The following TSPAN9 variants were observed in gnomAD, a reference collection of about 807,000 sequenced individuals.
TSPAN9 encodes tetraspanin 9, also known as tetraspanin-9.
TSPAN9 carries 16 observed loss-of-function variants against 31.0 expected under a neutral mutation model. The observed-to-expected ratio is 0.52, with a 90% confidence interval of 0.35 to 0.78. The LOEUF (loss-of-function observed/expected upper bound fraction) is 0.78, where lower values mean the gene tolerates loss of function less well. TSPAN9 is among the 30% of genes least tolerant of loss of function. The pLI, the probability that TSPAN9 is intolerant of heterozygous loss-of-function variation, is 0.01. For missense variants in TSPAN9, 272 were observed against 312.5 expected, an observed-to-expected ratio of 0.87 and a Z score of 0.98; for synonymous variants, 145 against 121.6, an observed-to-expected ratio of 1.19 and a Z score of -1.27.
intron 2 of TSPAN9, among the ~76,000 whole-genome samples, chr12:3,085,631 C>G (rs6489435): frequency 0.64 from 96,519 of 151,834 alleles, 31,064 homozygotes; most frequent in African/African-American, 0.72. Context: ...AACTGCTGTG[C>G]GAACTTGGGC....
At chr12:3,200,681 C>G (rs954025115) in intron 2 of TSPAN9, 1 of 152,358 alleles carries the variant, frequency 6.6e-6, no homozygotes, top group Non-Finnish European at 1.5e-5. Context: ...TTCGCGAGCG[C>G]GCAGAGAGCC....
intron 2 of TSPAN9, among the ~76,000 whole-genome samples, chr12:3,179,946 T>G (rs1210311544): frequency 6.6e-6 from 1 of 152,176 alleles, no homozygotes; most frequent in Non-Finnish European, 1.5e-5. Context: ...CCAGTGTATT[T>G]CCTGCAGCTG....
intron 2 of TSPAN9, among the ~76,000 whole-genome samples, chr12:3,169,948 C>T (rs1340289445): frequency 3.8e-5 from 5 of 132,030 alleles, no homozygotes; most frequent in African/African-American, 1.4e-4. Flanking sequence ...CTTCTCTCCT[C>T]ATTTTTGCTA....
At chr12:3,182,368 G>GGGCCCACAGCC (rs1488261661) in intron 2 of TSPAN9, among the ~76,000 whole-genome samples, 1 of 151,974 alleles carries the variant, frequency 6.6e-6, no homozygotes, top group Non-Finnish European at 1.5e-5. Flanking sequence ...AGGCTGCCTG[G>GGGCCCACAGCC]GGCCCACAGC....
chr12:3,156,767 C>T (rs546862888), intron 2 of TSPAN9, among the ~76,000 whole-genome samples: 19 of 152,276 alleles, frequency 1.2e-4, no homozygotes, highest in African/African-American at 4.6e-4. Flanking sequence ...CTCAGCCTCC[C>T]AAAGTGCTGG....
intron 3 of TSPAN9, among the ~76,000 whole-genome samples, chr12:3,261,084 G>A (rs891184442): frequency 6.6e-6 from 1 of 152,124 alleles, no homozygotes; most frequent in Non-Finnish European, 1.5e-5. Context: ...CCTGTGTTCT[G>A]GCCAAAGGGA....
At chr12:3,220,145 C>CAAAAAAAAAAAAAAAAAAAAAAAAAA (rs55735802) in intron 3 of TSPAN9, among the ~76,000 whole-genome samples, 21 of 137,368 alleles carry the variant, frequency 1.5e-4, no homozygotes, top group Middle Eastern at 3.8e-3. Context: ...AACTCTGTCT[C>CAAAAAAAAAAAAAAAAAAAAAAAAAA]AAAAAAAAAA....
chr12:3,199,311 C>G (rs892835470), intron 2 of TSPAN9, among the ~76,000 whole-genome samples: 4 of 152,202 alleles, frequency 2.6e-5, no homozygotes, highest in Non-Finnish European at 5.9e-5. Context: ...CGGGTGCTCT[C>G]AGTACTCTCT....
chr12:3,220,249 G>T (rs1166463411), intron 3 of TSPAN9, among the ~76,000 whole-genome samples: 1 of 152,108 alleles, frequency 6.6e-6, no homozygotes, highest in Non-Finnish European at 1.5e-5. Context: ...GTGCTGTGCC[G>T]TGGCCCAGGC....
chr12:3,209,924 A>C (rs111373749), intron 3 of TSPAN9, among the ~76,000 whole-genome samples: 3,392 of 130,166 alleles, frequency 0.026, 159 homozygotes, highest in African/African-American at 0.093. Context: ...GTGCCACTGC[A>C]CTCCAGCCTG....
rs1166121446 is a variant in TSPAN9 at position 3,192,819 on chromosome 12, C to T, written c.-17-8358C>T. Among the ~76,000 whole-genome samples, 1 of 152,162 alleles carries T rather than the reference C, an allele frequency of 6.6e-6. No individual in the cohort carries two copies. Among genetic ancestry groups the T allele is most frequent in the Non-Finnish European group, 1.5e-5 (1 of 68,028 alleles). ...TGAGGAGGAGGAGGAGGGCAGCCAG[C>T]ATTTCCCTTAGAATTTCAGCCACAC... On this transcript the variant is annotated intron_variant, in intron 2 of 8. Coordinates refer to ENST00000011898, the MANE Select transcript of TSPAN9 (RefSeq NM_006675.5). This position sits in a 1 kb window ranked among gnomAD's most constrained non-coding sequence, Gnocchi z 4.6.
chr12:3,211,753 C>T lies in TSPAN9; in HGVS notation c.63+10497C>T, dbSNP rs2098378840. On this transcript the variant is annotated intron_variant, in intron 3 of 8. Coordinates refer to ENST00000011898, the MANE Select transcript of TSPAN9 (RefSeq NM_006675.5). ...AGAGGACAGTGGAGCAGCCAACACA[C>T]AAAACTACTGTTTGTGCATGGCTAA... 7 of 1,597,744 alleles carry T rather than the reference C, an allele frequency of 4.4e-6. 1 individual carries two copies. In the East Asian group the frequency reaches 1.3e-4, roughly 31 times the overall value.
intron 2 of TSPAN9, among the ~76,000 whole-genome samples, chr12:3,091,610 A>C (rs897011433): frequency 1.3e-5 from 2 of 152,246 alleles, no homozygotes; most frequent in Admixed American, 6.5e-5. Context: ...TTTCTCGTGC[A>C]GCAGTGTTCT....
intron 3 of TSPAN9, among the ~76,000 whole-genome samples, chr12:3,259,246 T>C (rs1862405657): frequency 6.6e-6 from 1 of 152,232 alleles, no homozygotes; most frequent in African/African-American, 2.4e-5. Context: ...CTTGCTCTTC[T>C]TTGACAGAGC....
At chr12:3,200,996 A>G (rs1450313843) in intron 2 of TSPAN9, 181 bp from the exon 3 acceptor site, 1 of 594,832 alleles carries the variant, frequency 1.7e-6, no homozygotes, top group Non-Finnish European at 3.0e-6. Flanking sequence ...GGACTTTGCC[A>G]AGCCGTCCAC....
At position 3,104,003 on chromosome 12, in the gene TSPAN9, G is replaced by A. The variant is rs188870375; in HGVS notation, c.-18+20284G>A. Among the ~76,000 whole-genome samples, 541 of 152,300 alleles carry A rather than the reference G, an allele frequency of 3.6e-3. 5 individuals carry two copies. Among genetic ancestry groups the A allele is most frequent in the Middle Eastern group, 0.01 (3 of 294 alleles). ...GGCGGGGTCAGGGAGCCGTGAAGGC[G>A]TTACTGAGGAGCTGGCATTTCAGGA... On this transcript the variant is annotated intron_variant, in intron 2 of 8. Transcript: ENST00000011898.
chr12:3,122,074 G>A (rs994809883), intron 2 of TSPAN9, among the ~76,000 whole-genome samples: 2 of 152,038 alleles, frequency 1.3e-5, no homozygotes, highest in Non-Finnish European at 2.9e-5. Context: ...CGTGGCTCAC[G>A]CCTGTAATCC....
chr12:3,129,019 A>G (rs2098328600), intron 2 of TSPAN9, among the ~76,000 whole-genome samples: 1 of 152,192 alleles, frequency 6.6e-6, no homozygotes, highest in South Asian at 2.1e-4. Flanking sequence ...ATCATGCAAT[A>G]TTGAACCTTT....
At chr12:3,132,973 C>T (rs952934937) in intron 2 of TSPAN9, among the ~76,000 whole-genome samples, 2 of 152,116 alleles carry the variant, frequency 1.3e-5, no homozygotes, top group Non-Finnish European at 2.9e-5. Flanking sequence ...TCTCGAGAGG[C>T]GTTGTAAGAG....
Sources: gnomAD v4.1 joint callset for allele counts (sites outside exome capture counted in the v4.1 genomes callset) on GRCh38, gnomAD v4.1.1 for gene constraint, Gnocchi (gnomAD v3.1) non-coding constraint, MANE v1.5 for transcripts, NCBI Gene and HGNC (gene_info 2026-07-23, HGNC 2026-07-21) for gene names.